CEP63: variants seen among roughly 807,000 people sequenced by gnomAD.
CEP63 encodes the protein centrosomal protein of 63 kDa.
In CEP63, 84 loss-of-function variants were observed where a neutral mutation model predicts 89.1. The ratio of observed to expected loss-of-function variants is 0.94; its 90% CI spans 0.79 to 1.13. The LOEUF (loss-of-function observed/expected upper bound fraction) is 1.13, where lower values mean the gene tolerates loss of function less well. Ranked by LOEUF, CEP63 falls within the 50% of genes most tolerant of loss-of-function variation. The pLI is 0.00. For synonymous variants in CEP63, 267 were observed against 272.5 expected, an observed-to-expected ratio of 0.98 and a Z score of 0.20; for missense variants, 838 against 813.3, an observed-to-expected ratio of 1.03 and a Z score of -0.37.
At chr3:134,732,069 G>T in the CEP63 span, among the ~76,000 whole-genome samples, 1 of 152,226 alleles carries the variant, frequency 6.6e-6, no homozygotes, top group African/African-American at 2.4e-5. Context: ...TGAGGGAAAA[G>T]CTTAAGTTAG....
the CEP63 span, among the ~76,000 whole-genome samples, chr3:134,635,579 ATT>A: frequency 4.0e-5 from 6 of 151,890 alleles, no homozygotes; most frequent in Non-Finnish European, 8.8e-5. Flanking sequence ...ACACAAGATA[ATT>A]TTAAAGAGGG....
chr3:134,575,723 C>T (rs1169351621), downstream of CEP63, among the ~76,000 whole-genome samples: 2 of 152,012 alleles, frequency 1.3e-5, no homozygotes, highest in Admixed American at 6.6e-5. Flanking sequence ...GTGATCCTCC[C>T]ACCTTAGCCT....
At chr3:134,678,639 T>C in the CEP63 span, among the ~76,000 whole-genome samples, 2 of 152,152 alleles carry the variant, frequency 1.3e-5, no homozygotes, top group East Asian at 1.9e-4. Context: ...ACTTATGAAG[T>C]GGGTTCTATA....
Position 134,564,863 on chromosome 3 carries a change from A to C in CEP63, c.*3328A>C. 2 of 985,278 alleles carry C rather than the reference A, an allele frequency of 2.0e-6. No homozygotes were observed. Among genetic ancestry groups the C allele is most frequent in the Non-Finnish European group, 2.4e-6 (2 of 829,796 alleles). 61.0% of individuals were successfully genotyped at this position (985,278 alleles called of 1,614,324 possible). ...CTGTAGTCACCGGAAATACTTAAGG[A>C]ATCATGAGGTACTATGTATTTCCTT... On this transcript the variant is annotated 3_prime_UTR_variant, in exon 15 of 15. Coordinates refer to ENST00000675561, the MANE Select transcript of CEP63 (RefSeq NM_001353108.3).
chr3:134,547,521 T>G (rs772225142), intron 9 of CEP63, 49 bp downstream of exon 9: 1 of 1,516,480 alleles, frequency 6.6e-7, no homozygotes, highest in South Asian at 1.1e-5. Context: ...TTAAAATGAA[T>G]TTTTGATCAT....
chr3:134,596,913 T>C, the CEP63 span, among the ~76,000 whole-genome samples: 3 of 151,720 alleles, frequency 2.0e-5, no homozygotes, highest in East Asian at 1.9e-4. Flanking sequence ...TCTGACAGAG[T>C]GGTGGGCTGG....
the CEP63 span, among the ~76,000 whole-genome samples, chr3:134,604,784 C>A: frequency 6.6e-6 from 1 of 152,170 alleles, no homozygotes; most frequent in East Asian, 1.9e-4. Flanking sequence ...GCATCCTGCC[C>A]AATTGATTCA....
chr3:134,675,710 G>C, the CEP63 span, among the ~76,000 whole-genome samples: 1 of 152,108 alleles, frequency 6.6e-6, no homozygotes, highest in African/African-American at 2.4e-5. Context: ...ATTAAATAAT[G>C]GCCAAAGGCT....
chr3:134,545,380 T>G lies in CEP63; in HGVS notation c.556-206T>G, dbSNP rs1049231963. ...CCTGAGCTCAAGCGATCTGCCTGCC[T>G]CAGCCTCCCATAGTGTTAGGATTAC... is the stretch of plus-strand genomic sequence containing the variant. On this transcript the variant is annotated intron_variant, in intron 6 of 14. Coordinates refer to ENST00000675561, the MANE Select transcript of CEP63 (RefSeq NM_001353108.3). 3.3e-5 allele frequency among the ~76,000 whole-genome samples: 5 copies of G among 152,106 alleles called. No individual in the cohort carries two copies. The East Asian group carries it at 9.6e-4, about 29-fold the overall frequency.
chr3:134,582,981 T>G (rs1410091222), intron 10 of CEP63, among the ~76,000 whole-genome samples: 1 of 152,240 alleles, frequency 6.6e-6, no homozygotes, highest in Non-Finnish European at 1.5e-5. Context: ...TGTCTTCTTT[T>G]GAGAAGTGTC....
chr3:134,517,689 A>G (rs1946554190), intron 3 of CEP63, among the ~76,000 whole-genome samples: 1 of 152,254 alleles, frequency 6.6e-6, no homozygotes, highest in Non-Finnish European at 1.5e-5. Context: ...GGAAATTAGG[A>G]CATGAAGTTC....
chr3:134,513,647 T>A (rs1945515873), intron 3 of CEP63, among the ~76,000 whole-genome samples: 1 of 151,996 alleles, frequency 6.6e-6, no homozygotes, highest in Non-Finnish European at 1.5e-5. Context: ...GTGTTTTTGA[T>A]AACTTTAAGG....
chr3:134,727,041 C>T, the CEP63 span, among the ~76,000 whole-genome samples: 1 of 152,294 alleles, frequency 6.6e-6, no homozygotes, highest in South Asian at 2.1e-4. Context: ...GCTGCCCTCC[C>T]ATAGTCTTCA....
chr3:134,658,041 T>C, the CEP63 span, among the ~76,000 whole-genome samples: 2 of 152,126 alleles, frequency 1.3e-5, no homozygotes, highest in East Asian at 1.9e-4. Flanking sequence ...GGGCTACAGG[T>C]GTGTGCCACC....
In CEP63 at chr3:134,496,438, G is replaced by A. The variant is rs1052306857; in HGVS notation, c.44+1074G>A. Among the ~76,000 whole-genome samples the A allele has an allele frequency of 2.7e-5, 4 of 149,524 alleles. No homozygotes were observed. In the East Asian group the frequency reaches 7.9e-4, roughly 30 times the overall value. ...GAAAAGGATAGAAAAAAAAGGGGGGGGGGGCTAAAGAACTAGTCCAAAGAG... is the reference window on the plus strand; with the variant it reads ...GAAAAGGATAGAAAAAAAAGGGGGGAGGGGCTAAAGAACTAGTCCAAAGAG... On this transcript the variant is annotated intron_variant, in intron 2 of 14. Coordinates refer to ENST00000675561, the MANE Select transcript of CEP63 (RefSeq NM_001353108.3).
chr3:134,569,549 A>C (rs1231344712), downstream of CEP63, among the ~76,000 whole-genome samples: 4 of 152,162 alleles, frequency 2.6e-5, no homozygotes, highest in Non-Finnish European at 1.5e-5. Flanking sequence ...GCTGATGCAA[A>C]AGGTGGCTTC....
chr3:134,526,624 T>C (rs923472504), intron 3 of CEP63, among the ~76,000 whole-genome samples: 1 of 152,180 alleles, frequency 6.6e-6, no homozygotes, highest in Non-Finnish European at 1.5e-5. Flanking sequence ...TTAGCCCAGT[T>C]CTGAACCCTT....
intron 6 of CEP63, among the ~76,000 whole-genome samples, chr3:134,538,939 G>A (rs916148324): frequency 3.3e-5 from 5 of 151,948 alleles, no homozygotes; most frequent in Non-Finnish European, 5.9e-5. Context: ...CTGTAATTCA[G>A]CTAGGGCTAG....
At chr3:134,676,836 C>A in the CEP63 span, among the ~76,000 whole-genome samples, 1 of 152,198 alleles carries the variant, frequency 6.6e-6, no homozygotes, top group African/African-American at 2.4e-5. Context: ...CCCAGAGGAA[C>A]CTAGCCTGGC....
Sources: gnomAD v4.1 joint callset for allele counts (sites outside exome capture counted in the v4.1 genomes callset) on GRCh38, gnomAD v4.1.1 for gene constraint, MANE v1.5 for transcripts, NCBI Gene and HGNC (gene_info 2026-07-23, HGNC 2026-07-21) for gene names.